Variants in LINGO2 observed in about 807,000 individuals in gnomAD.
LINGO2 encodes the protein leucine-rich repeat and immunoglobulin-like domain-containing nogo receptor-interacting protein 2.
Under a neutral mutation model 30.6 loss-of-function variants are expected in LINGO2, and 14 were observed. The ratio of observed to expected loss-of-function variants is 0.46; its 90% CI spans 0.30 to 0.72. The LOEUF (loss-of-function observed/expected upper bound fraction) is 0.72, where lower values mean the gene tolerates loss of function less well. Among genes scored for constraint, LINGO2 ranks in the 30% least tolerant of loss-of-function variants. The pLI is 0.07. For missense variants in LINGO2, 729 were observed against 751.7 expected (o/e 0.97, Z 0.35); for synonymous variants, 317 against 288.5 (o/e 1.10, Z -1.00).
the LINGO2 span, among the ~76,000 whole-genome samples, chr9:29,101,045 T>C: frequency 7.2e-3 from 1,104 of 152,310 alleles, 11 homozygotes; most frequent in African/African-American, 0.025. Flanking sequence ...CCCAGAGTTT[T>C]TACCATTCTT....
chr9:28,461,427 A>G (rs1240481463), intron 2 of LINGO2, among the ~76,000 whole-genome samples: 1 of 152,202 alleles, frequency 6.6e-6, no homozygotes, highest in Non-Finnish European at 1.5e-5. Flanking sequence ...TCCATCAAAA[A>G]TAGCAACACA....
At chr9:28,451,511 A>C (rs1824646414) in intron 2 of LINGO2, among the ~76,000 whole-genome samples, 1 of 151,868 alleles carries the variant, frequency 6.6e-6, no homozygotes. Context: ...CATCAAATAC[A>C]CAAATTCAGG....
At chr9:29,212,080 A>G in the LINGO2 span, among the ~76,000 whole-genome samples, 2 of 152,186 alleles carry the variant, frequency 1.3e-5, no homozygotes, top group African/African-American at 4.8e-5. Flanking sequence ...GAGGAGAAAG[A>G]GGGCATTACC....
chr9:28,823,076 T>C, the LINGO2 span, among the ~76,000 whole-genome samples: 4 of 152,192 alleles, frequency 2.6e-5, no homozygotes, highest in African/African-American at 9.6e-5. Context: ...AAATTGGGAC[T>C]GAGAGAGGTA....
chr9:28,314,966 C>G (rs1195304840), intron 3 of LINGO2, among the ~76,000 whole-genome samples: 16 of 148,384 alleles, frequency 1.1e-4, no homozygotes, highest in Non-Finnish European at 1.5e-5. Context: ...GCCGAGATCG[C>G]GCCACTCCAG....
At chr9:28,226,631 G>GA (rs1462370427) in intron 4 of LINGO2, among the ~76,000 whole-genome samples, 17 of 61,652 alleles carry the variant, frequency 2.8e-4, no homozygotes, top group South Asian at 6.4e-4. Context: ...AAGAAGGAAA[G>GA]AAGGAAAGAA....
At chr9:28,533,905 T>G (rs997203732) in intron 1 of LINGO2, among the ~76,000 whole-genome samples, 5 of 152,186 alleles carry the variant, frequency 3.3e-5, no homozygotes, top group African/African-American at 1.2e-4. Flanking sequence ...AGTTTAAATA[T>G]CTATTTTGGA....
At chr9:28,089,193 C>T (rs1235303752) in intron 4 of LINGO2, among the ~76,000 whole-genome samples, 1 of 152,160 alleles carries the variant, frequency 6.6e-6, no homozygotes, top group African/African-American at 2.4e-5. Context: ...AGGAATTGAA[C>T]TCAGCTCTGC....
rs1361878293 is a variant in LINGO2, at chr9:28,616,320, C to T, written c.-365+53880G>A. On this transcript the variant is annotated intron_variant, in intron 1 of 5. Coordinates refer to ENST00000379992, the Ensembl canonical transcript of LINGO2. Reference sequence around the variant, plus strand: ...TTTTATACTTGTATATGCATGCATGCACATACACACATGTGAAATATTTTC... The same window carrying T: ...TTTTATACTTGTATATGCATGCATGTACATACACACATGTGAAATATTTTC... 2.0e-5 allele frequency among the ~76,000 whole-genome samples: 3 copies of T among 152,120 alleles called. No individual in the cohort carries two copies. The East Asian group carries it at 5.8e-4, about 29-fold the overall frequency.
chr9:28,210,439 TAAAG>T (rs901190649), intron 4 of LINGO2, among the ~76,000 whole-genome samples: 4 of 151,754 alleles, frequency 2.6e-5, no homozygotes, highest in South Asian at 2.1e-4. Context: ...ATAAAAAAAA[TAAAG>T]AATGACTTGG....
chr9:28,669,299 A>C (rs183371854), intron 1 of LINGO2, among the ~76,000 whole-genome samples: 1 of 152,184 alleles, frequency 6.6e-6, no homozygotes, highest in Admixed American at 6.5e-5. Context: ...CCCTTTTTAG[A>C]AAACTTCTTT....
At chr9:27,977,345 G>A (rs557563169) in intron 5 of LINGO2, among the ~76,000 whole-genome samples, 2 of 151,868 alleles carry the variant, frequency 1.3e-5, no homozygotes, top group South Asian at 4.2e-4. Context: ...ACACCTTTTT[G>A]GATGACTAAT....
intron 1 of LINGO2, among the ~76,000 whole-genome samples, chr9:28,576,510 G>A (rs1299940599): frequency 6.6e-6 from 1 of 152,138 alleles, no homozygotes. Flanking sequence ...TGAAAGCTTT[G>A]CCATTATGCA....
intron 4 of LINGO2, among the ~76,000 whole-genome samples, chr9:28,029,049 G>A (rs973911712): frequency 7.9e-5 from 12 of 152,152 alleles, no homozygotes; most frequent in Non-Finnish European, 1.5e-4. Context: ...CTAGATGAGA[G>A]TGAGTATATA....
At chr9:28,717,936 T>C in the LINGO2 span, among the ~76,000 whole-genome samples, 3 of 152,012 alleles carry the variant, frequency 2.0e-5, no homozygotes, top group African/African-American at 7.2e-5. Flanking sequence ...ACAGAGCATT[T>C]ACTGAATATC....
the LINGO2 span, among the ~76,000 whole-genome samples, chr9:29,010,158 A>T: frequency 6.6e-6 from 1 of 152,228 alleles, no homozygotes; most frequent in African/African-American, 2.4e-5. Flanking sequence ...AAGCAATGGC[A>T]ACAAAAGCCA....
chr9:28,314,964 C>G (rs1824783515), intron 3 of LINGO2, among the ~76,000 whole-genome samples: 1 of 148,446 alleles, frequency 6.7e-6, no homozygotes, highest in Non-Finnish European at 1.5e-5. Context: ...GAGCCGAGAT[C>G]GCGCCACTCC....
At chr9:28,617,448 A>C (rs1247431728) in intron 1 of LINGO2, among the ~76,000 whole-genome samples, 1 of 151,518 alleles carries the variant, frequency 6.6e-6, no homozygotes, top group Non-Finnish European at 1.5e-5. Flanking sequence ...GGCGCCCACC[A>C]CCACTCCTGG....
At chr9:28,936,375 T>C in the LINGO2 span, among the ~76,000 whole-genome samples, 24 of 152,118 alleles carry the variant, frequency 1.6e-4, no homozygotes, top group Non-Finnish European at 3.2e-4. Flanking sequence ...CACCAAAAAA[T>C]GGTAGTGGTG....
Sources: allele counts gnomAD v4.1 joint callset (sites outside exome capture counted in the v4.1 genomes callset), GRCh38; gene constraint gnomAD v4.1.1; transcripts MANE v1.5; gene names NCBI Gene and HGNC (gene_info 2026-07-23, HGNC 2026-07-21).